Variants in ALK observed in about 807,000 individuals in gnomAD.
The protein encoded by ALK is ALK receptor tyrosine kinase.
Under a neutral mutation model 163.1 loss-of-function variants are expected in ALK, and 74 were observed. The observed-to-expected ratio is 0.45, with a 90% CI of 0.38 to 0.55. The LOEUF is 0.55. ALK is among the 20% of genes least tolerant of loss of function. The pLI is 0.00. For missense variants in ALK, 2,063 were observed against 2,105.3 expected, an observed-to-expected ratio of 0.98 and a Z score of 0.39; for synonymous variants, 960 against 843.2, an observed-to-expected ratio of 1.14 and a Z score of -2.40.
chr2:29,469,437 A>T (rs1432880568), intron 4 of ALK, among the ~76,000 whole-genome samples: 1 of 152,148 alleles, frequency 6.6e-6, no homozygotes, highest in Admixed American at 6.5e-5. Flanking sequence ...ACTTGCATTT[A>T]TTTTTAGGTC....
intron 26 of ALK, among the ~76,000 whole-genome samples, chr2:29,205,705 C>G (rs548955653): frequency 4.4e-4 from 67 of 152,252 alleles, no homozygotes; most frequent in African/African-American, 1.0e-3. Flanking sequence ...TGGTCCTTCT[C>G]TCTTATAAGG....
chr2:29,770,630 T>C (rs1680993175), intron 1 of ALK, among the ~76,000 whole-genome samples: 2 of 152,162 alleles, frequency 1.3e-5, no homozygotes, highest in Admixed American at 1.3e-4. Flanking sequence ...TAAATTACAT[T>C]TGTGAAAACC....
intron 3 of ALK, among the ~76,000 whole-genome samples, chr2:29,576,002 T>G (rs1674516294): frequency 6.6e-6 from 1 of 152,178 alleles, no homozygotes; most frequent in Non-Finnish European, 1.5e-5. Flanking sequence ...AGTTAAGATG[T>G]GCCTATGTGC....
At chr2:29,306,704 G>A (rs917318941) in intron 8 of ALK, among the ~76,000 whole-genome samples, 10 of 152,084 alleles carry the variant, frequency 6.6e-5, no homozygotes, top group Non-Finnish European at 1.3e-4. Flanking sequence ...TGCGAAATCT[G>A]ACACAAATTC....
intron 3 of ALK, among the ~76,000 whole-genome samples, chr2:29,601,195 A>AGGGGCAAGAGAGCAGGAGCCTAGTGTT: frequency 6.6e-6 from 1 of 152,194 alleles, no homozygotes; most frequent in African/African-American, 2.4e-5. Flanking sequence ...CAGGGAGTGA[A>AGGGGCAAGAGAGCAGGAGCCTAGTGTT]GGGGCAAGAG....
intron 1 of ALK, among the ~76,000 whole-genome samples, chr2:29,876,264 T>C (rs922696002): frequency 8.6e-5 from 13 of 151,430 alleles, no homozygotes; most frequent in Admixed American, 7.2e-4. Flanking sequence ...ATAAACTCAT[T>C]AAATGTTAGC....
chr2:29,272,521 G>A (rs1259722625), intron 11 of ALK, among the ~76,000 whole-genome samples: 1 of 152,160 alleles, frequency 6.6e-6, no homozygotes, highest in African/African-American at 2.4e-5. Flanking sequence ...CTGCTGTGGG[G>A]AGTGAGGAAT....
At chr2:29,833,547 C>A (rs1200033016) in intron 1 of ALK, among the ~76,000 whole-genome samples, 1 of 152,238 alleles carries the variant, frequency 6.6e-6, no homozygotes, top group Non-Finnish European at 1.5e-5. Flanking sequence ...AAGAATCCTT[C>A]AGTGCCCAGA....
intron 1 of ALK, among the ~76,000 whole-genome samples, chr2:29,782,496 G>A (rs1020469535): frequency 2.0e-5 from 3 of 152,022 alleles, no homozygotes; most frequent in Admixed American, 6.6e-5. Flanking sequence ...CTAGCCCCTC[G>A]CGGCCTTCCC....
chr2:29,265,790 C>A (rs933294741), intron 11 of ALK, among the ~76,000 whole-genome samples: 1 of 152,096 alleles, frequency 6.6e-6, no homozygotes, highest in Non-Finnish European at 1.5e-5. Flanking sequence ...AAGTTCAAGA[C>A]CAGCCTGGCC....
At chr2:29,244,640 G>T (rs1215488839) in intron 12 of ALK, among the ~76,000 whole-genome samples, 1 of 152,330 alleles carries the variant, frequency 6.6e-6, no homozygotes, top group Non-Finnish European at 1.5e-5. Context: ...AGCCTGTGGA[G>T]AGGAGGGAAG....
rs116623444 is a variant in ALK at position 29,706,515 on chromosome 2, A to G, written c.787+11063T>C. On this transcript the variant is annotated intron_variant, in intron 2 of 28. Coordinates refer to ENST00000389048, the MANE Select transcript of ALK (RefSeq NM_004304.5). Reference sequence around the variant, plus strand: ...CCCACCAGCCTGCTCCCTGGAATGCATCTGGGAACCAATCACCCAATTCAA... The same window carrying G: ...CCCACCAGCCTGCTCCCTGGAATGCGTCTGGGAACCAATCACCCAATTCAA... 2.3e-3 allele frequency among the ~76,000 whole-genome samples: 346 copies of G among 152,354 alleles called. 1 individual carries two copies. The highest frequency in any genetic ancestry group is 7.4e-3 in the African/African-American group (307 of 41,586).
At chr2:29,525,934 T>C (rs904663043) in intron 4 of ALK, among the ~76,000 whole-genome samples, 1 of 152,230 alleles carries the variant, frequency 6.6e-6, no homozygotes, top group Non-Finnish European at 1.5e-5. Flanking sequence ...ACTAGCATTT[T>C]AGTAGTTGCT....
intron 3 of ALK, among the ~76,000 whole-genome samples, chr2:29,582,981 GC>G (rs1460087162): frequency 6.7e-6 from 1 of 150,354 alleles, no homozygotes; most frequent in African/African-American, 2.5e-5. Flanking sequence ...GCCTGCCTCA[GC>G]CTCCCAAGTA....
chr2:29,699,683 T>C (rs1006701082), intron 2 of ALK, among the ~76,000 whole-genome samples: 5 of 152,234 alleles, frequency 3.3e-5, no homozygotes, highest in African/African-American at 9.6e-5. Context: ...TTCAGGAGGA[T>C]CCAGAGATCT....
At chr2:29,369,048 C>T (rs1668578148) in intron 5 of ALK, among the ~76,000 whole-genome samples, 1 of 152,174 alleles carries the variant, frequency 6.6e-6, no homozygotes, top group Non-Finnish European at 1.5e-5. Flanking sequence ...TTCTCAAGAC[C>T]CTGCTTTCCA....
chr2:29,549,797 T>C (rs1004896400), intron 3 of ALK, among the ~76,000 whole-genome samples: 3 of 152,224 alleles, frequency 2.0e-5, no homozygotes, highest in African/African-American at 4.8e-5. Flanking sequence ...ATAATTTTTA[T>C]ATTGAGTACA....
At chr2:29,475,376 G>A (rs966561097) in intron 4 of ALK, among the ~76,000 whole-genome samples, 1 of 152,064 alleles carries the variant, frequency 6.6e-6, no homozygotes, top group Non-Finnish European at 1.5e-5. Context: ...GAAGAAATAG[G>A]CCCCAAGAGG....
At chr2:29,717,000 A>C (rs1201441943) in intron 2 of ALK, among the ~76,000 whole-genome samples, 5,252 of 130,862 alleles carry the variant, frequency 0.04, 482 homozygotes, top group African/African-American at 0.056. Context: ...AAAATCCAAA[A>C]AAAAAAAAAA....
Sources: allele counts gnomAD v4.1 joint callset (sites outside exome capture counted in the v4.1 genomes callset), GRCh38; gene constraint gnomAD v4.1.1; transcripts MANE v1.5; gene names NCBI Gene and HGNC (gene_info 2026-07-23, HGNC 2026-07-21).